The following COG5 variants were observed in gnomAD, a reference collection of about 807,000 sequenced individuals.
The protein encoded by COG5 is component of oligomeric golgi complex 5.
In COG5, 86 loss-of-function variants were observed where a neutral mutation model predicts 110.4. The ratio of observed to expected loss-of-function variants is 0.78; its 90% confidence interval spans 0.65 to 0.93. The LOEUF is 0.93. COG5 is among the 40% of genes least tolerant of loss of function. The probability of loss-of-function intolerance (pLI) is 0.00; values close to 1 mark genes in which losing one functional copy is unlikely to be tolerated. For missense variants in COG5, 1,077 were observed against 987.0 expected (o/e 1.09, Z -1.22); for synonymous variants, 360 against 334.6 (o/e 1.08, Z -0.83).
intron 12 of COG5, among the ~76,000 whole-genome samples, chr7:107,288,763 C>T (rs1377601328): frequency 6.6e-6 from 1 of 151,560 alleles, no homozygotes; most frequent in Non-Finnish European, 1.5e-5. Flanking sequence ...TCCTTTGAAG[C>T]AGCAAAGTTT....
chr7:107,532,800 T>TA (rs904924999), intron 5 of COG5, among the ~76,000 whole-genome samples: 10 of 152,196 alleles, frequency 6.6e-5, no homozygotes, highest in African/African-American at 2.2e-4. Flanking sequence ...AAACAAACAC[T>TA]ACAGTCAAAA....
intron 11 of COG5, among the ~76,000 whole-genome samples, chr7:107,313,154 C>G (rs895704696): frequency 6.6e-6 from 1 of 152,180 alleles, no homozygotes; most frequent in African/African-American, 2.4e-5. Flanking sequence ...AATCTTTGGA[C>G]AGCAAAGCTA....
At chr7:107,364,951 A>G (rs1813463354) in intron 8 of COG5, among the ~76,000 whole-genome samples, 2 of 152,150 alleles carry the variant, frequency 1.3e-5, no homozygotes, top group African/African-American at 4.8e-5. Flanking sequence ...AATGGATAAT[A>G]CTGTAACAAT....
intron 10 of COG5, among the ~76,000 whole-genome samples, chr7:107,346,455 A>G (rs182425871): frequency 1.3e-5 from 2 of 152,338 alleles, no homozygotes; most frequent in African/African-American, 4.8e-5. Flanking sequence ...CCTAGGCAAA[A>G]CTTGTTCAAG....
chr7:107,261,192 A>C (rs986266388), intron 14 of COG5, among the ~76,000 whole-genome samples: 3 of 152,152 alleles, frequency 2.0e-5, no homozygotes, highest in African/African-American at 7.2e-5. Flanking sequence ...AAGTGGACCT[A>C]TGCAACTGTA....
intron 6 of COG5, among the ~76,000 whole-genome samples, chr7:107,460,030 T>A (rs1427836974): frequency 6.6e-6 from 1 of 152,182 alleles, no homozygotes; most frequent in Non-Finnish European, 1.5e-5. Context: ...ATACAAATCA[T>A]GTTCTCTGAC....
chr7:107,311,326 C>T (rs962354252), intron 11 of COG5, among the ~76,000 whole-genome samples: 3 of 145,008 alleles, frequency 2.1e-5, no homozygotes, highest in Non-Finnish European at 3.0e-5. Context: ...TCTCTCTGTA[C>T]GTTCTGCATT....
intron 10 of COG5, among the ~76,000 whole-genome samples, chr7:107,357,383 A>G (rs1009897198): frequency 2.6e-5 from 4 of 152,170 alleles, no homozygotes; most frequent in Non-Finnish European, 5.9e-5. Flanking sequence ...GGTACACTGA[A>G]TTCCAAGAGA....
chr7:107,299,875 T>A (rs1445205006), intron 11 of COG5, among the ~76,000 whole-genome samples: 1 of 139,002 alleles, frequency 7.2e-6, no homozygotes, highest in East Asian at 2.1e-4. Context: ...TTATCTGGAA[T>A]ATATATATAT....
chr7:107,327,997 C>A (rs1809917052), intron 10 of COG5, among the ~76,000 whole-genome samples: 1 of 152,106 alleles, frequency 6.6e-6, no homozygotes, highest in Admixed American at 6.5e-5. Flanking sequence ...ATGTTTACTG[C>A]AGCATTATTC....
chr7:107,391,423 T>C (rs1279113749), intron 7 of COG5, among the ~76,000 whole-genome samples: 2 of 152,184 alleles, frequency 1.3e-5, no homozygotes, highest in Non-Finnish European at 2.9e-5. Context: ...TTCAGCCTGT[T>C]CTATTGGTTG....
chr7:107,474,148 A>G lies in COG5; in HGVS notation c.538+53089T>C. 1 of 1,610,068 alleles carries G rather than the reference A, an allele frequency of 6.2e-7. No homozygotes were observed. The highest frequency in any genetic ancestry group is 8.5e-7 in the Non-Finnish European group (1 of 1,176,622). On this transcript the variant is annotated intron_variant, in intron 6 of 21. Coordinates refer to ENST00000297135, the MANE Select transcript of COG5 (RefSeq NM_006348.5). This position sits in a 1 kb window ranked among gnomAD's most constrained non-coding sequence, Gnocchi z 5.7. ...TGACATTGATGACATCAACACCAAT[A>G]TGTACCAACCACTATCATATCCGTT... is the stretch of plus-strand genomic sequence containing the variant.
At chr7:107,511,012 A>T (rs888755801) in intron 6 of COG5, among the ~76,000 whole-genome samples, 1 of 151,660 alleles carries the variant, frequency 6.6e-6, no homozygotes, top group Non-Finnish European at 1.5e-5. Flanking sequence ...AACACATTCA[A>T]AAGCTAGCAG....
At chr7:107,292,204 CT>C (rs1026996208) in intron 12 of COG5, among the ~76,000 whole-genome samples, 2 of 152,042 alleles carry the variant, frequency 1.3e-5, no homozygotes, top group East Asian at 3.9e-4. Context: ...GCCCAGTTAA[CT>C]TTTTTATTTT....
At chr7:107,520,689 G>T (rs992035329) in intron 6 of COG5, among the ~76,000 whole-genome samples, 2 of 152,174 alleles carry the variant, frequency 1.3e-5, no homozygotes, top group African/African-American at 2.4e-5. Flanking sequence ...TGGATAGGAA[G>T]AATCAATACT....
intron 5 of COG5, among the ~76,000 whole-genome samples, chr7:107,537,521 T>C (rs1801675294): frequency 6.6e-6 from 1 of 151,838 alleles, no homozygotes; most frequent in South Asian, 2.1e-4. Context: ...TTCTCACTCA[T>C]CAGTGGGAGC....
intron 16 of COG5, among the ~76,000 whole-genome samples, chr7:107,251,076 C>T (rs1802466553): frequency 6.9e-6 from 1 of 144,994 alleles, no homozygotes; most frequent in Non-Finnish European, 1.5e-5. Flanking sequence ...AGAACTATGC[C>T]TAGGCACATC....
intron 7 of COG5, among the ~76,000 whole-genome samples, chr7:107,378,725 A>G (rs1336034079): frequency 2.6e-5 from 4 of 152,198 alleles, no homozygotes; most frequent in African/African-American, 7.2e-5. Flanking sequence ...AGATTAGAGG[A>G]AAGAGTGAAA....
intron 7 of COG5, among the ~76,000 whole-genome samples, chr7:107,378,791 G>A (rs1319561018): frequency 6.6e-6 from 1 of 152,168 alleles, no homozygotes. Flanking sequence ...CCAAATCTAC[G>A]TTTGATTGGT....
Sources: gnomAD v4.1 joint callset for allele counts (sites outside exome capture counted in the v4.1 genomes callset) on GRCh38, gnomAD v4.1.1 for gene constraint, Gnocchi (gnomAD v3.1) non-coding constraint, MANE v1.5 for transcripts, NCBI Gene and HGNC (gene_info 2026-07-23, HGNC 2026-07-21) for gene names.